PPFIBP2: variants seen among roughly 807,000 people sequenced by gnomAD.
PPFIBP2 encodes liprin-beta-2.
Under a neutral mutation model 118.3 loss-of-function variants are expected in PPFIBP2, and 118 were observed. That is an observed-to-expected ratio of 1.00 (90% confidence interval 0.86 to 1.16). PPFIBP2 has a LOEUF of 1.16. Among genes scored for constraint, PPFIBP2 ranks in the 50% most tolerant of loss-of-function variants. The pLI is 0.00. For synonymous variants in PPFIBP2, 414 were observed against 397.4 expected (o/e 1.04, Z -0.50); for missense variants, 1,195 against 1,073.1 (o/e 1.11, Z -1.59).
chr11:7,662,479 ACT>A, the PPFIBP2 span, among the ~76,000 whole-genome samples: 1 of 151,066 alleles, frequency 6.6e-6, no homozygotes, highest in Non-Finnish European at 1.5e-5. Context: ...ATTGGCCCCC[ACT>A]CTCTTCTGGC....
chr11:7,578,745 A>G (rs952492893), intron 3 of PPFIBP2, among the ~76,000 whole-genome samples: 3 of 152,176 alleles, frequency 2.0e-5, no homozygotes, highest in African/African-American at 7.2e-5. Flanking sequence ...AGTTTGAGGA[A>G]ATTATACTTC....
Position 7,649,779 on chromosome 11 carries a change from T to C in PPFIBP2, c.2121+125T>C. 2.9e-6 allele frequency: 4 copies of C among 1,392,836 alleles called. No individual in the cohort carries two copies. The South Asian group carries it at 4.1e-5, about 14-fold the overall frequency. The allele number at this position is 1,392,836 out of a possible 1,614,324, so 86.3% of individuals were successfully genotyped here. ...TTGCACCATGGTGCCTGGGATTCTT[T>C]TGTTTGCTTGTGCTTCCTGTTGCCC... On this transcript the variant is annotated intron_variant, in intron 21 of 23. Transcript: ENST00000299492.
In PPFIBP2 at chr11:7,565,717, A is replaced by G; in HGVS notation, c.229A>G (p.Ile77Val). 6.2e-7 allele frequency: 1 copy of G among 1,614,106 alleles called. No homozygotes were observed. Among genetic ancestry groups the G allele is most frequent in the African/African-American group, 1.3e-5 (1 of 75,028 alleles). Residue 77 changes from isoleucine (I) to valine (V), a missense_variant, in exon 3 of 24, where the codon ATC becomes GTC. Physicochemically the swap from Ile to Val is conservative, Grantham distance 29. Coordinates refer to ENST00000299492, the MANE Select transcript of PPFIBP2 (RefSeq NM_003621.5). ...GGAGAGAGCAGCCCTCCTGAGCCAG[A>G]TCCCTGGCCCAACAGCTGCCTACAT... ...PQERAALLSQ[I>V]PGPTAAYIKE... is the part of the protein sequence containing the mutation.
chr11:7,643,670 T>C (rs868080916), intron 17 of PPFIBP2, among the ~76,000 whole-genome samples: 1 of 152,260 alleles, frequency 6.6e-6, no homozygotes, highest in Non-Finnish European at 1.5e-5. Flanking sequence ...AATTGATATA[T>C]GTTAATGTCC....
At chr11:7,666,780 T>G in the PPFIBP2 span, 1 of 407,326 alleles carries the variant, frequency 2.5e-6, no homozygotes. Context: ...GGGATGTAGG[T>G]TCCCATGGAG....
chr11:7,663,814 T>C, the PPFIBP2 span, among the ~76,000 whole-genome samples: 2 of 152,148 alleles, frequency 1.3e-5, no homozygotes, highest in African/African-American at 2.4e-5. Flanking sequence ...CCTGGGCGTA[T>C]GACCCTCCCA....
chr11:7,549,532 C>A lies in PPFIBP2; in HGVS notation c.57C>A (p.Ile19=). The A allele has an allele frequency of 6.4e-7, 1 of 1,562,822 alleles. No homozygotes were observed. Among genetic ancestry groups the A allele is most frequent in the South Asian group, 1.2e-5 (1 of 84,502 alleles). Residue 19 remains isoleucine (I), a synonymous_variant, in exon 2 of 24, where the codon ATC becomes ATA. Coordinates refer to ENST00000299492, the MANE Select transcript of PPFIBP2 (RefSeq NM_003621.5). ...LEAALEQMDG[I]IAGTKTGADL... The stretch of plus-strand genomic sequence containing the variant: ...CTGCCCTGGAGCAAATGGACGGGAT[C>A]ATTGCAGGTACGCCCAGGGAACCCC...
chr11:7,662,352 A>G, the PPFIBP2 span, among the ~76,000 whole-genome samples: 2 of 152,154 alleles, frequency 1.3e-5, no homozygotes, highest in African/African-American at 4.8e-5. Flanking sequence ...AGTGGTGACA[A>G]AATCTCTCAG....
At chr11:7,648,614 C>A in intron 18 of PPFIBP2, 77 bp downstream of exon 18, 1 of 1,556,836 alleles carries the variant, frequency 6.4e-7, no homozygotes, top group South Asian at 1.1e-5. Flanking sequence ...CCACTCCTGT[C>A]ACACATACAC....
In PPFIBP2 at chr11:7,597,312, T is replaced by C. The variant is rs56966154; in HGVS notation, c.373-248T>C. The C allele has an allele frequency of 6.8e-3, 10,382 of 1,535,394 alleles. 486 individuals carry two copies. The African/African-American group carries it at 0.11, about 17-fold the overall frequency. ...GGCTGTTGGGTGTTTTACTCTTGAG[T>C]CTATCAAGAGCAGTAAACGTGACCC... On this transcript the variant is annotated intron_variant, in intron 4 of 23. Coordinates refer to ENST00000299492, the MANE Select transcript of PPFIBP2 (RefSeq NM_003621.5).
intron 23 of PPFIBP2, among the ~76,000 whole-genome samples, chr11:7,652,688 C>T (rs768802259): frequency 5.3e-5 from 8 of 152,350 alleles, no homozygotes; most frequent in Non-Finnish European, 1.0e-4. Flanking sequence ...GGCAAGTTCT[C>T]TGTGCTTCGC....
chr11:7,644,243 AC>A (rs1199124152), intron 17 of PPFIBP2, among the ~76,000 whole-genome samples: 3 of 152,238 alleles, frequency 2.0e-5, no homozygotes, highest in African/African-American at 7.2e-5. Flanking sequence ...ATACTTTGAT[AC>A]ATGGAATTTT....
chr11:7,530,959 G>C (rs1247709423), intron 1 of PPFIBP2, among the ~76,000 whole-genome samples: 1 of 152,178 alleles, frequency 6.6e-6, no homozygotes, highest in African/African-American at 2.4e-5. Flanking sequence ...TAAAGACTCT[G>C]CTTTATGGAA....
rs572236862 is a variant in PPFIBP2 at position 7,600,537 on chromosome 11, A to G, written c.486+2864A>G. On this transcript the variant is annotated intron_variant, in intron 5 of 23. Coordinates refer to ENST00000299492, the MANE Select transcript of PPFIBP2 (RefSeq NM_003621.5). Reference sequence around the variant, plus strand: ...TAGGAGCAAGAATGACTCATGGCCTAGAGGCAGAGAATGGAGGCAAACAAT... The same window carrying G: ...TAGGAGCAAGAATGACTCATGGCCTGGAGGCAGAGAATGGAGGCAAACAAT... Among the ~76,000 whole-genome samples, 46 of 152,342 alleles carry G rather than the reference A, an allele frequency of 3.0e-4. 1 individual carries two copies. Among genetic ancestry groups the G allele is most frequent in the African/African-American group, 1.0e-3 (43 of 41,590 alleles).
At chr11:7,630,394 C>G (rs911064545) in intron 10 of PPFIBP2, among the ~76,000 whole-genome samples, 5 of 152,224 alleles carry the variant, frequency 3.3e-5, no homozygotes, top group Admixed American at 3.3e-4. Context: ...TCACCGTAAC[C>G]TCTGCCTCCC....
intron 6 of PPFIBP2, among the ~76,000 whole-genome samples, chr11:7,613,452 A>G (rs186416517): frequency 6.6e-6 from 1 of 152,312 alleles, no homozygotes; most frequent in Admixed American, 6.5e-5. Flanking sequence ...GTAGTGGCCC[A>G]GATGAGATGT....
At chr11:7,631,111 C>CAT (rs1273639749) in intron 11 of PPFIBP2, 83 bp downstream of exon 11, 2 of 998,418 alleles carry the variant, frequency 2.0e-6, no homozygotes, top group African/African-American at 3.2e-5. Context: ...TAGTCAGACA[C>CAT]GTGTCAGGTG....
intron 5 of PPFIBP2, chr11:7,605,864 CA>C: frequency 1.4e-6 from 2 of 1,457,380 alleles, no homozygotes; most frequent in Admixed American, 5.5e-5. Flanking sequence ...ACGTGAGATC[CA>C]AGTGGTGACT....
the PPFIBP2 span, among the ~76,000 whole-genome samples, chr11:7,664,195 G>C: frequency 6.6e-6 from 1 of 152,160 alleles, no homozygotes; most frequent in Non-Finnish European, 1.5e-5. Flanking sequence ...TTCTTAATGG[G>C]GGTTTGGGGA....
Sources: gnomAD v4.1 joint callset for allele counts (sites outside exome capture counted in the v4.1 genomes callset) on GRCh38, gnomAD v4.1.1 for gene constraint, MANE v1.5 for transcripts, NCBI Gene and HGNC (gene_info 2026-07-23, HGNC 2026-07-21) for gene names.